Variants in FZD2 observed in about 807,000 individuals in gnomAD.
FZD2 encodes the protein frizzled class receptor 2.
Under a neutral mutation model 36.7 loss-of-function variants are expected in FZD2, and 17 were observed. The observed-to-expected ratio is 0.46, with a 90% CI of 0.32 to 0.70. FZD2 has a LOEUF of 0.70. Ranked by LOEUF, FZD2 falls within the 30% of genes least tolerant of loss-of-function variation. The pLI, the probability that FZD2 is intolerant of heterozygous loss-of-function variation, is 0.04. For missense variants in FZD2, 525 were observed against 805.6 expected, an observed-to-expected ratio of 0.65 and a Z score of 4.22; for synonymous variants, 333 against 359.6, an observed-to-expected ratio of 0.93 and a Z score of 0.84.
rs1970841250 is a variant in FZD2, at chr17:44,557,640, G to A, written c.-49G>A. 6 of 1,101,322 alleles carry A rather than the reference G, an allele frequency of 5.4e-6. No homozygotes were observed. The highest frequency in any genetic ancestry group is 6.9e-6 in the Non-Finnish European group (6 of 873,576). 68.2% of individuals were successfully genotyped at this position (1,101,322 alleles called of 1,614,324 possible). A position where few individuals can be genotyped will look rare whatever the true frequency, so the allele number is the denominator to read the frequency against. ...AAGAAGCGCAGTCTCCGGGTTGGGG[G>A]CGGGGGCGGGGGGGGCGCCAAGGAG... On this transcript the variant is annotated 5_prime_UTR_variant, in exon 1 of 1. Coordinates refer to ENST00000315323, the MANE Select transcript of FZD2 (RefSeq NM_001466.4). The surrounding 1 kb of genome is among the most constrained non-coding windows in gnomAD (Gnocchi z 4.9).
chr17:44,560,474 G>C lies in FZD2; in HGVS notation c.*1088G>C, dbSNP rs1459702595. ...AAGTGATAAAGACGGGTGGGTTGGA[G>C]GGAGGGGACTGATGGGCTGGTGGGC... On this transcript the variant is annotated 3_prime_UTR_variant, in exon 1 of 1. Transcript: ENST00000315323. 1.3e-5 allele frequency among the ~76,000 whole-genome samples: 2 copies of C among 151,810 alleles called. No homozygotes were observed.
rs1970873098 is a variant in FZD2, at chr17:44,560,149, C to T, written c.*763C>T. Among the ~76,000 whole-genome samples the T allele has an allele frequency of 1.3e-5, 2 of 152,144 alleles. No individual in the cohort carries two copies. Among genetic ancestry groups the T allele is most frequent in the South Asian group, 2.1e-4 (1 of 4,826 alleles). On this transcript the variant is annotated 3_prime_UTR_variant, in exon 1 of 1. Coordinates refer to ENST00000315323, the MANE Select transcript of FZD2 (RefSeq NM_001466.4). ...TGTCTGGCTTCTCTTCTTTTCAATT[C>T]GCTGCACCAAGTGCTTCCAGTGGCC...
chr17:44,559,002 C>A lies in FZD2; in HGVS notation c.1314C>A (p.Leu438=). ...TSFLLAGFVS[L]FRIRTIMKHD... is the part of the protein sequence containing the mutation. Reference sequence around the variant, plus strand: ...TCCTCCTGGCCGGCTTCGTGTCGCTCTTCCGCATCCGCACCATCATGAAGC... The same window carrying A: ...TCCTCCTGGCCGGCTTCGTGTCGCTATTCCGCATCCGCACCATCATGAAGC... The change falls in exon 1 of 1, where the codon CTC becomes CTA. Residue 438 remains leucine (L), a synonymous_variant. Transcript: ENST00000315323. This position sits in a 1 kb window ranked among gnomAD's most constrained non-coding sequence, Gnocchi z 4.4. The A allele has an allele frequency of 6.2e-7, 1 of 1,614,192 alleles. No homozygotes were observed. Among genetic ancestry groups the A allele is most frequent in the African/African-American group, 1.3e-5 (1 of 75,074 alleles).
Position 44,560,461 on chromosome 17 carries a change from C to T in FZD2, c.*1075C>T, listed in dbSNP as rs572922131. 1.0e-3 allele frequency among the ~76,000 whole-genome samples: 148 copies of T among 148,512 alleles called. No homozygotes were observed. The highest frequency in any genetic ancestry group is 3.4e-3 in the African/African-American group (138 of 40,034). On this transcript the variant is annotated 3_prime_UTR_variant, in exon 1 of 1. Coordinates refer to ENST00000315323, the MANE Select transcript of FZD2 (RefSeq NM_001466.4). ...TATTTTTTTCAAAAAGTGATAAAGACGGGTGGGTTGGAGGGAGGGGACTGA... is the reference window on the plus strand; with the variant it reads ...TATTTTTTTCAAAAAGTGATAAAGATGGGTGGGTTGGAGGGAGGGGACTGA...
In FZD2 at chr17:44,559,104, C is replaced by T. The variant is rs1444963640; in HGVS notation, c.1416C>T (p.Pro472=). The change falls in exon 1 of 1, where the codon CCC becomes CCT. Residue 472 remains proline, a synonymous_variant. Coordinates refer to ENST00000315323, the MANE Select transcript of FZD2 (RefSeq NM_001466.4). This position sits in a 1 kb window ranked among gnomAD's most constrained non-coding sequence, Gnocchi z 4.4. Reference sequence around the variant, plus strand: ...TCTTCTCCGTGCTCTACACAGTGCCCGCCACCATCGTCATCGCTTGCTACT... The same window carrying T: ...TCTTCTCCGTGCTCTACACAGTGCCTGCCACCATCGTCATCGCTTGCTACT... ...IGVFSVLYTV[P]ATIVIACYFY... 1.9e-6 allele frequency: 3 copies of T among 1,613,972 alleles called. No individual in the cohort carries two copies. Among genetic ancestry groups the T allele is most frequent in the African/African-American group, 2.7e-5 (2 of 74,946 alleles).
Position 44,557,587 on chromosome 17 carries a change from C to A in FZD2, c.-102C>A. The stretch of plus-strand genomic sequence containing the variant: ...AAAGTTTGCAAAGAGGCGCGGGAGG[C>A]GGCAGCCGCAGCGAGGAGGCGGCGG... On this transcript the variant is annotated 5_prime_UTR_variant, in exon 1 of 1. Coordinates refer to ENST00000315323, the MANE Select transcript of FZD2 (RefSeq NM_001466.4). This position sits in a 1 kb window ranked among gnomAD's most constrained non-coding sequence, Gnocchi z 4.9. 1.4e-6 allele frequency: 1 copy of A among 723,514 alleles called. No individual in the cohort carries two copies. The highest frequency in any genetic ancestry group is 1.9e-6 in the Non-Finnish European group (1 of 527,512). The allele number at this position is 723,514 out of a possible 1,614,324, so 44.8% of individuals were successfully genotyped here. A position where few individuals can be genotyped will look rare whatever the true frequency, so the allele number is the denominator to read the frequency against.
Position 44,557,487 on chromosome 17 carries a change from C to A in FZD2, c.-202C>A, listed in dbSNP as rs1451684597. On this transcript the variant is annotated 5_prime_UTR_variant, in exon 1 of 1. Coordinates refer to ENST00000315323, the MANE Select transcript of FZD2 (RefSeq NM_001466.4). The surrounding 1 kb of genome is among the most constrained non-coding windows in gnomAD (Gnocchi z 4.9). ...CGCGCGGTGTCTCCGGCTGCTCAGT[C>A]CGACCGCGGCAAGCAAGCGGGCAGG... The A allele has an allele frequency of 1.1e-5, 5 of 475,758 alleles. No individual in the cohort carries two copies. The Admixed American group carries it at 1.5e-4, about 15-fold the overall frequency. 29.5% of individuals were successfully genotyped at this position (475,758 alleles called of 1,614,324 possible). A position where few individuals can be genotyped will look rare whatever the true frequency, so the allele number is the denominator to read the frequency against.
Position 44,557,977 on chromosome 17 carries a change from G to T in FZD2, c.289G>T (p.Ala97Ser), listed in dbSNP as rs757523917. The T allele has an allele frequency of 2.5e-6, 4 of 1,613,972 alleles. No homozygotes were observed. The highest frequency in any genetic ancestry group is 2.2e-5 in the East Asian group (1 of 44,846). The change falls in exon 1 of 1, where the codon GCA becomes TCA. Residue 97 changes from alanine (A) to serine (S), a missense_variant. Around this residue, in one of 5 missense-constraint regions of FZD2, gnomAD observed 257 missense variants for 344.4 expected, o/e 0.75. Coordinates refer to ENST00000315323, the MANE Select transcript of FZD2 (RefSeq NM_001466.4). This position sits in a 1 kb window ranked among gnomAD's most constrained non-coding sequence, Gnocchi z 4.9. The part of the protein sequence containing the change: ...ELRFFLCSMY[A>S]PVCTVLEQAI... ...GCGCTTCTTCCTGTGCTCCATGTAC[G>T]CACCCGTGTGCACCGTGCTGGAACA...
At position 44,560,252 on chromosome 17, in the gene FZD2, C is replaced by A. The variant is rs868323500; in HGVS notation, c.*866C>A. Among the ~76,000 whole-genome samples, 1 of 152,128 alleles carries A rather than the reference C, an allele frequency of 6.6e-6. No individual in the cohort carries two copies. The highest frequency in any genetic ancestry group is 1.5e-5 in the Non-Finnish European group (1 of 68,020). The stretch of plus-strand genomic sequence containing the variant: ...CACCAGGAGTACTGATCCTGCCTCC[C>A]TTCATGTCTAGGGGAAGCATTCGCC... On this transcript the variant is annotated 3_prime_UTR_variant, in exon 1 of 1. Transcript: ENST00000315323.
rs374376178 is a variant in FZD2 at position 44,558,958 on chromosome 17, C to T, written c.1270C>T (p.Leu424=). 7 of 1,613,946 alleles carry T rather than the reference C, an allele frequency of 4.3e-6. No individual in the cohort carries two copies. The highest frequency in any genetic ancestry group is 5.9e-6 in the Non-Finnish European group (7 of 1,180,038). The change falls in exon 1 of 1, where the codon CTG becomes TTG. Residue 424 remains leucine (L), a synonymous_variant. Coordinates refer to ENST00000315323, the MANE Select transcript of FZD2 (RefSeq NM_001466.4). This position sits in a 1 kb window ranked among gnomAD's most constrained non-coding sequence, Gnocchi z 9.3. The part of the protein sequence containing the change: ...GFVLAPLFVY[L]FIGTSFLLAG... ...CGTGCTAGCGCCGCTCTTCGTGTAC[C>T]TGTTCATCGGCACGTCCTTCCTCCT...
rs755824483 is a variant in FZD2 at position 44,559,203 on chromosome 17, G to A, written c.1515G>A (p.Pro505=). The change falls in exon 1 of 1, where the codon CCG becomes CCA. Residue 505 remains proline, a synonymous_variant. Transcript: ENST00000315323. This position sits in a 1 kb window ranked among gnomAD's most constrained non-coding sequence, Gnocchi z 4.4. ...AGCACTGCAAGAGCCTGGCCATCCC[G>A]TGCCCGGCGCACTACACGCCGCGCA... ...VSQHCKSLAI[P]CPAHYTPRMS... 4 of 1,613,854 alleles carry A rather than the reference G, an allele frequency of 2.5e-6. No homozygotes were observed. The highest frequency in any genetic ancestry group is 3.4e-6 in the Non-Finnish European group (4 of 1,180,018).
Position 44,557,646 on chromosome 17 carries a change from G to GCGGGGC in FZD2, c.-38_-37insCCGGGG, listed in dbSNP as rs1338951336. The GCGGGGC allele has an allele frequency of 1.8e-6, 2 of 1,124,784 alleles. No individual in the cohort carries two copies. The highest frequency in any genetic ancestry group is 3.3e-5 in the African/African-American group (2 of 60,720). 69.7% of individuals were successfully genotyped at this position (1,124,784 alleles called of 1,614,324 possible). A position where few individuals can be genotyped will look rare whatever the true frequency, so the allele number is the denominator to read the frequency against. ...CGCAGTCTCCGGGTTGGGGGCGGGG[G>GCGGGGC]CGGGGGGGGCGCCAAGGAGCCGGGT... On this transcript the variant is annotated 5_prime_UTR_variant, in exon 1 of 1. Transcript: ENST00000315323. The surrounding 1 kb of genome is among the most constrained non-coding windows in gnomAD (Gnocchi z 4.9).
Position 44,558,018 on chromosome 17 carries a change from C to T in FZD2, c.330C>T (p.Cys110=). Residue 110 remains cysteine, a synonymous_variant, in exon 1 of 1, where the codon TGC becomes TGT. Transcript: ENST00000315323. This position sits in a 1 kb window ranked among gnomAD's most constrained non-coding sequence, Gnocchi z 9.3. ...CTVLEQAIPP[C]RSICERARQG... is the part of the protein sequence containing the mutation. ...TGCTGGAACAGGCCATCCCGCCGTG[C>T]CGCTCTATCTGTGAGCGCGCGCGCC... The T allele has an allele frequency of 3.1e-6, 5 of 1,613,652 alleles. No homozygotes were observed. Among genetic ancestry groups the T allele is most frequent in the Non-Finnish European group, 4.2e-6 (5 of 1,180,020 alleles).
Position 44,558,832 on chromosome 17 carries a change from G to T in FZD2, c.1144G>T (p.Val382Phe), listed in dbSNP as rs1296057234. Residue 382 changes from valine (V) to phenylalanine (F), a missense_variant, in exon 1 of 1, where the codon GTC becomes TTC. Around this residue, in one of 5 missense-constraint regions of FZD2, gnomAD observed 189 missense variants for 298.1 expected, o/e 0.63. Transcript: ENST00000315323. This position sits in a 1 kb window ranked among gnomAD's most constrained non-coding sequence, Gnocchi z 9.3. Reference protein sequence around the residue: ...FHLAAWAVPAVKTITILAMGQ... With the variant: ...FHLAAWAVPAFKTITILAMGQ... Reference sequence around the variant, plus strand: ...CCTGGCCGCCTGGGCCGTGCCGGCCGTCAAGACCATCACCATCCTGGCCAT... The same window carrying T: ...CCTGGCCGCCTGGGCCGTGCCGGCCTTCAAGACCATCACCATCCTGGCCAT... 20 of 1,613,976 alleles carry T rather than the reference G, an allele frequency of 1.2e-5. No individual in the cohort carries two copies. Among genetic ancestry groups the T allele is most frequent in the Middle Eastern group, 3.3e-4 (2 of 6,062 alleles).
chr17:44,557,518 C>T lies in FZD2; in HGVS notation c.-171C>T, dbSNP rs745305621. ...GCGGCAAGCAAGCGGGCAGGCGCAC[C>T]GCCCCCTCCCCCGCCCGGCCTCCCC... On this transcript the variant is annotated 5_prime_UTR_variant, in exon 1 of 1. Coordinates refer to ENST00000315323, the MANE Select transcript of FZD2 (RefSeq NM_001466.4). The surrounding 1 kb of genome is among the most constrained non-coding windows in gnomAD (Gnocchi z 4.9). 1.9e-6 allele frequency: 1 copy of T among 513,972 alleles called. No homozygotes were observed. Among genetic ancestry groups the T allele is most frequent in the South Asian group, 2.0e-5 (1 of 49,490 alleles). The allele number at this position is 513,972 out of a possible 1,614,324, so 31.8% of individuals were successfully genotyped here. A position where few individuals can be genotyped will look rare whatever the true frequency, so the allele number is the denominator to read the frequency against.
At position 44,558,413 on chromosome 17, in the gene FZD2, G is replaced by C. The variant is rs745654767; in HGVS notation, c.725G>C (p.Arg242Pro). ...ATGTTCTTCTCACAGGAGGAGACGC[G>C]TTTCGCGCGCCTCTGGATCCTCACC... ...GSMFFSQEET[R>P]FARLWILTWS... is the part of the protein sequence containing the mutation. Residue 242 changes from arginine to proline, a missense_variant, in exon 1 of 1, where the codon CGT becomes CCT. Transcript: ENST00000315323. This position sits in a 1 kb window ranked among gnomAD's most constrained non-coding sequence, Gnocchi z 9.3. 1 of 1,572,256 alleles carries C rather than the reference G, an allele frequency of 6.4e-7. No individual in the cohort carries two copies. Among genetic ancestry groups the C allele is most frequent in the Non-Finnish European group, 8.6e-7 (1 of 1,162,632 alleles).
Position 44,558,946 on chromosome 17 carries a change from C to T in FZD2, c.1258C>T (p.Leu420Phe). The stretch of plus-strand genomic sequence containing the variant: ...GCTGCGGGGCTTCGTGCTAGCGCCG[C>T]TCTTCGTGTACCTGTTCATCGGCAC... ...DPLRGFVLAP[L>F]FVYLFIGTSF... is the part of the protein sequence containing the mutation. The change falls in exon 1 of 1, where the codon CTC becomes TTC. Residue 420 changes from leucine to phenylalanine, a missense_variant. Physicochemically the swap from Leu to Phe is conservative, Grantham distance 22. Coordinates refer to ENST00000315323, the MANE Select transcript of FZD2 (RefSeq NM_001466.4). The surrounding 1 kb of genome is among the most constrained non-coding windows in gnomAD (Gnocchi z 9.3). The T allele has an allele frequency of 5.0e-6, 8 of 1,613,932 alleles. No homozygotes were observed. Among genetic ancestry groups the T allele is most frequent in the Non-Finnish European group, 6.8e-6 (8 of 1,180,014 alleles).
In FZD2 at chr17:44,560,257, T is replaced by G. The variant is rs1970874330; in HGVS notation, c.*871T>G. On this transcript the variant is annotated 3_prime_UTR_variant, in exon 1 of 1. Transcript: ENST00000315323. ...GGAGTACTGATCCTGCCTCCCTTCATGTCTAGGGGAAGCATTCGCCTTTGA... is the reference window on the plus strand; with the variant it reads ...GGAGTACTGATCCTGCCTCCCTTCAGGTCTAGGGGAAGCATTCGCCTTTGA... 6.6e-6 allele frequency among the ~76,000 whole-genome samples: 1 copy of G among 152,138 alleles called. No homozygotes were observed.
Position 44,557,698 on chromosome 17 carries a change from C to G in FZD2, c.10C>G (p.Arg4Gly). 5 of 1,462,824 alleles carry G rather than the reference C, an allele frequency of 3.4e-6. No homozygotes were observed. Among genetic ancestry groups the G allele is most frequent in the Non-Finnish European group, 4.5e-6 (5 of 1,109,656 alleles). The allele number at this position is 1,462,824 out of a possible 1,614,324, so 90.6% of individuals were successfully genotyped here. Residue 4 changes from arginine (R) to glycine (G), a missense_variant, in exon 1 of 1, where the codon CGC (arginine) becomes GGC (glycine). Around this residue, in one of 5 missense-constraint regions of FZD2, gnomAD observed 44 missense variants for 43.9 expected, o/e 1.00. Transcript: ENST00000315323. This position sits in a 1 kb window ranked among gnomAD's most constrained non-coding sequence, Gnocchi z 4.9. Reference protein sequence around the residue: MRPRSALPRLLLPL... With the variant: MRPGSALPRLLLPL... ...GGGGGCGGCGGCCAGCATGCGGCCC[C>G]GCAGCGCCCTGCCCCGCCTGCTGCT...
Sources: gnomAD v4.1 joint callset for allele counts (sites outside exome capture counted in the v4.1 genomes callset) on GRCh38, gnomAD v4.1.1 for gene constraint, gnomAD v4.1.1 regional missense constraint, Gnocchi (gnomAD v3.1) non-coding constraint, MANE v1.5 for transcripts, NCBI Gene and HGNC (gene_info 2026-07-23, HGNC 2026-07-21) for gene names.